NSUN7: variants seen among roughly 807,000 people sequenced by gnomAD.
The protein encoded by NSUN7 is NOP2/Sun RNA methyltransferase family member 7.
NSUN7 carries 39 observed loss-of-function variants against 58.5 expected under a neutral mutation model. That is an observed-to-expected ratio of 0.67 (90% confidence interval 0.52 to 0.87). The LOEUF (loss-of-function observed/expected upper bound fraction) is 0.87. Ranked by LOEUF, NSUN7 falls within the 40% of genes least tolerant of loss-of-function variation. The pLI, the probability that NSUN7 is intolerant of heterozygous loss-of-function variation, is 0.00. For missense variants in NSUN7, 765 were observed against 844.1 expected (o/e 0.91, Z 1.16); for synonymous variants, 278 against 303.7 (o/e 0.92, Z 0.88).
chr4:40,806,953 A>G, intron 10 of NSUN7, 108 bp from the exon 11 acceptor site: 1 of 1,160,098 alleles, frequency 8.6e-7, no homozygotes, highest in South Asian at 1.5e-5. Flanking sequence ...ATTTCTGTTT[A>G]AACGATTGGT....
At chr4:40,772,551 C>G (rs990263324) in intron 4 of NSUN7, among the ~76,000 whole-genome samples, 4 of 152,148 alleles carry the variant, frequency 2.6e-5, no homozygotes, top group African/African-American at 9.7e-5. Flanking sequence ...TCTTCTCTCT[C>G]TCATATACAT....
chr4:40,790,860 A>C, intron 8 of NSUN7, 115 bp downstream of exon 8: 2 of 785,982 alleles, frequency 2.5e-6, no homozygotes, highest in Non-Finnish European at 3.9e-6. Context: ...AATAGCAACC[A>C]CATATAAAGT....
At chr4:40,760,660 C>T (rs995630379) in intron 3 of NSUN7, among the ~76,000 whole-genome samples, 168 bp downstream of exon 3, 7 of 151,904 alleles carry the variant, frequency 4.6e-5, no homozygotes, top group South Asian at 2.1e-4. Flanking sequence ...GTCGGGAGTT[C>T]GAGACCAGCC....
At chr4:40,750,444 C>CTT (rs145071809) in intron 1 of NSUN7, 144 bp downstream of exon 1, 53 of 271,020 alleles carry the variant, frequency 2.0e-4, no homozygotes, top group South Asian at 5.4e-4. Context: ...CCCCTCCTCG[C>CTT]TTTTTTTTTT....
At position 40,798,886 on chromosome 4, in the gene NSUN7, A is replaced by G; in HGVS notation, c.1382A>G (p.Asn461Ser). The change falls in exon 10 of 12, where the codon AAT (asparagine) becomes AGT (serine). Residue 461 changes from asparagine to serine, a missense_variant. Physicochemically the swap from Asn to Ser is conservative, Grantham distance 46 (BLOSUM62 1). Coordinates refer to ENST00000381782, the MANE Select transcript of NSUN7 (RefSeq NM_024677.6). ...KKALEFQDLG[N>S]KGQPYRLSPP... is the part of the protein sequence containing the mutation. The stretch of plus-strand genomic sequence containing the variant: ...GCACTGGAATTTCAAGACCTTGGGA[A>G]TAAAGGACAACCTTACAGGTAAGAA... 2 of 1,596,384 alleles carry G rather than the reference A, an allele frequency of 1.3e-6. No homozygotes were observed. The highest frequency in any genetic ancestry group is 1.7e-6 in the Non-Finnish European group (2 of 1,164,688).
At chr4:40,761,824 G>A (rs1044505075) in intron 4 of NSUN7, among the ~76,000 whole-genome samples, 1 of 152,206 alleles carries the variant, frequency 6.6e-6, no homozygotes, top group Non-Finnish European at 1.5e-5. Context: ...TCAAAGGGTA[G>A]ATGGGACAGT....
chr4:40,790,464 C>A, intron 7 of NSUN7, 138 bp from the exon 8 acceptor site: 1 of 546,770 alleles, frequency 1.8e-6, no homozygotes, highest in Non-Finnish European at 3.2e-6. Context: ...AGAAGAATAG[C>A]CTTCTTTTCT....
chr4:40,768,669 G>T (rs6816410), intron 4 of NSUN7, among the ~76,000 whole-genome samples: 1 of 151,978 alleles, frequency 6.6e-6, no homozygotes, highest in Non-Finnish European at 1.5e-5. Flanking sequence ...TCACTTATTC[G>T]TGGGTTTAGA....
At chr4:40,779,584 AC>A (rs1742428260) in intron 7 of NSUN7, among the ~76,000 whole-genome samples, 1 of 152,206 alleles carries the variant, frequency 6.6e-6, no homozygotes, top group Non-Finnish European at 1.5e-5. Flanking sequence ...AGCCTGGGCC[AC>A]AGAGCCAGAC....
At chr4:40,789,761 GA>G (rs1742992869) in intron 7 of NSUN7, among the ~76,000 whole-genome samples, 2 of 151,966 alleles carry the variant, frequency 1.3e-5, no homozygotes. Flanking sequence ...TCAATTTAAA[GA>G]AAAAATAATT....
intron 7 of NSUN7, among the ~76,000 whole-genome samples, chr4:40,789,325 A>G (rs1742974596): frequency 6.6e-6 from 1 of 152,150 alleles, no homozygotes; most frequent in African/African-American, 2.4e-5. Context: ...ATGAAGGGAG[A>G]ACCTGTAGGT....
chr4:40,780,977 C>G (rs927701274), intron 7 of NSUN7, among the ~76,000 whole-genome samples: 1 of 151,062 alleles, frequency 6.6e-6, no homozygotes, highest in African/African-American at 2.4e-5. Flanking sequence ...CCACCACACC[C>G]GGCTAATTTT....
intron 2 of NSUN7, among the ~76,000 whole-genome samples, chr4:40,757,577 A>ATGTG (rs1560544853): frequency 7.0e-6 from 1 of 142,506 alleles, no homozygotes; most frequent in African/African-American, 2.8e-5. Context: ...TATAAATTGC[A>ATGTG]TATATATATA....
At chr4:40,799,078 T>TG (rs61269224) in intron 10 of NSUN7, among the ~76,000 whole-genome samples, 174 bp downstream of exon 10, 1,339 of 129,170 alleles carry the variant, frequency 0.01, 104 homozygotes, top group African/African-American at 0.031. Context: ...TTTTTCTTTT[T>TG]TTTTTTTTTT....
chr4:40,793,461 C>T (rs1743185556), intron 8 of NSUN7, among the ~76,000 whole-genome samples: 1 of 151,990 alleles, frequency 6.6e-6, no homozygotes. Flanking sequence ...GCAACAACAA[C>T]AACAATAACA....
At chr4:40,761,124 T>C (rs1482677103) in intron 3 of NSUN7, 47 bp from the exon 4 acceptor site, 8 of 1,423,012 alleles carry the variant, frequency 5.6e-6, no homozygotes, top group Non-Finnish European at 7.7e-6. Flanking sequence ...TATTGCTGGT[T>C]AGATATTGTT....
chr4:40,781,112 G>T (rs1478052059), intron 7 of NSUN7, among the ~76,000 whole-genome samples: 9 of 151,876 alleles, frequency 5.9e-5, no homozygotes, highest in Admixed American at 3.9e-4. Context: ...TGTTGCCCAG[G>T]CTAGACTGCA....
At chr4:40,771,090 A>G (rs990443421) in intron 4 of NSUN7, among the ~76,000 whole-genome samples, 3 of 152,186 alleles carry the variant, frequency 2.0e-5, no homozygotes, top group Admixed American at 2.0e-4. Flanking sequence ...ATGGCATATT[A>G]GTTAAGATGA....
At position 40,774,261 on chromosome 4, in the gene NSUN7, C is replaced by T. The variant is rs749826245; in HGVS notation, c.489-4C>T. On this transcript the variant is annotated splice_polypyrimidine_tract_variant and splice_region_variant and intron_variant, in intron 4 of 11. Coordinates refer to ENST00000381782, the MANE Select transcript of NSUN7 (RefSeq NM_024677.6). ...TAGATTAAGGATGGATTTTCTGTCT[C>T]TAGTTTTAAGATAAAATTGGCTGCA... 2 of 1,613,712 alleles carry T rather than the reference C, an allele frequency of 1.2e-6. No homozygotes were observed. Among genetic ancestry groups the T allele is most frequent in the Admixed American group, 1.7e-5 (1 of 60,002 alleles).
Sources: allele counts gnomAD v4.1 joint callset (sites outside exome capture counted in the v4.1 genomes callset), GRCh38; gene constraint gnomAD v4.1.1; transcripts MANE v1.5; gene names NCBI Gene and HGNC (gene_info 2026-07-23, HGNC 2026-07-21).